Variants in DPP10 observed in about 807,000 individuals in gnomAD.
DPP10 encodes the protein dipeptidyl peptidase like 10.
Under a neutral mutation model 120.9 loss-of-function variants are expected in DPP10, and 33 were observed. The ratio of observed to expected loss-of-function variants is 0.27; its 90% confidence interval spans 0.21 to 0.37. The LOEUF is 0.37. Among genes scored for constraint, DPP10 ranks in the 10% least tolerant of loss-of-function variants. The probability of loss-of-function intolerance (pLI) is 1.00; values close to 1 mark genes in which losing one functional copy is unlikely to be tolerated. For missense variants in DPP10, 816 were observed against 942.8 expected, an observed-to-expected ratio of 0.87 and a Z score of 1.76; for synonymous variants, 337 against 326.1, an observed-to-expected ratio of 1.03 and a Z score of -0.36.
At chr2:114,835,017 A>C (rs557279875) in intron 1 of DPP10, among the ~76,000 whole-genome samples, 19 of 150,480 alleles carry the variant, frequency 1.3e-4, no homozygotes, top group Admixed American at 2.6e-4. Context: ...TATAAAAGAC[A>C]TATCTACACA....
chr2:115,058,085 A>G (rs1407308895), intron 1 of DPP10, among the ~76,000 whole-genome samples: 9 of 152,188 alleles, frequency 5.9e-5, no homozygotes, highest in Non-Finnish European at 1.3e-4. Context: ...GAGATTTCCC[A>G]TATTGCCCAG....
chr2:115,291,738 G>T (rs1328372826), intron 1 of DPP10, among the ~76,000 whole-genome samples: 1 of 152,012 alleles, frequency 6.6e-6, no homozygotes. Context: ...CTGATCTTTT[G>T]TGACGATGGA....
intron 1 of DPP10, among the ~76,000 whole-genome samples, chr2:114,736,333 A>G (rs1275444010): frequency 6.6e-6 from 1 of 152,090 alleles, no homozygotes; most frequent in Admixed American, 6.6e-5. Context: ...GTGCAAAGAT[A>G]TGTCATATCT....
At chr2:115,777,881 G>T in intron 15 of DPP10, 47 bp downstream of exon 15, 2 of 1,578,364 alleles carry the variant, frequency 1.3e-6, no homozygotes, top group Non-Finnish European at 1.7e-6. Flanking sequence ...CTTCTCAATG[G>T]CTATCTATGT....
chr2:115,841,053 T>C (rs1214203666), intron 25 of DPP10, among the ~76,000 whole-genome samples: 5 of 152,138 alleles, frequency 3.3e-5, no homozygotes, highest in Admixed American at 3.3e-4. Context: ...CCTCTCAGAC[T>C]TATTCATATC....
intron 11 of DPP10, among the ~76,000 whole-genome samples, chr2:115,759,294 C>T (rs1199316940): frequency 6.6e-6 from 1 of 151,744 alleles, no homozygotes; most frequent in Admixed American, 6.6e-5. Context: ...TATGGTGGCT[C>T]ATCCTTGTAA....
intron 5 of DPP10, among the ~76,000 whole-genome samples, chr2:115,629,221 G>A (rs1450515047): frequency 6.6e-6 from 1 of 152,166 alleles, no homozygotes; most frequent in Non-Finnish European, 1.5e-5. Context: ...ATCATTGGTG[G>A]ACATTTGGGT....
intron 1 of DPP10, among the ~76,000 whole-genome samples, chr2:115,149,659 C>G (rs189256076): frequency 3.5e-4 from 54 of 152,196 alleles, no homozygotes; most frequent in African/African-American, 1.3e-3. Context: ...TATCTGTATT[C>G]AGCACTTTTC....
chr2:115,831,343 G>A (rs1688908761), intron 21 of DPP10, among the ~76,000 whole-genome samples: 1 of 152,068 alleles, frequency 6.6e-6, no homozygotes, highest in Non-Finnish European at 1.5e-5. Context: ...CTGCCTCCTG[G>A]GTTCAAGCAA....
At chr2:115,348,485 G>GT (rs776540070) in intron 3 of DPP10, among the ~76,000 whole-genome samples, 64 of 151,164 alleles carry the variant, frequency 4.2e-4, no homozygotes, top group Admixed American at 1.3e-3. Context: ...TGTTTACATA[G>GT]TTTTTTTTTA....
At chr2:114,596,520 G>C (rs1246070248) in intron 1 of DPP10, among the ~76,000 whole-genome samples, 1 of 152,058 alleles carries the variant, frequency 6.6e-6, no homozygotes, top group Non-Finnish European at 1.5e-5. Flanking sequence ...TAAATGCATA[G>C]ATGTCTTTAC....
chr2:115,318,906 C>T (rs1166680775), intron 2 of DPP10, among the ~76,000 whole-genome samples: 1 of 152,148 alleles, frequency 6.6e-6, no homozygotes, highest in East Asian at 1.9e-4. Context: ...TCTTTTAGTT[C>T]TTTTTCTTGT....
chr2:115,640,001 G>T (rs137873389), intron 5 of DPP10, among the ~76,000 whole-genome samples: 156 of 150,734 alleles, frequency 1.0e-3, no homozygotes, highest in African/African-American at 3.6e-3. Context: ...TCAGGCTGGA[G>T]ATGGCAAATA....
chr2:114,522,089 C>T (rs1263060141), intron 1 of DPP10, among the ~76,000 whole-genome samples: 1 of 148,504 alleles, frequency 6.7e-6, no homozygotes, highest in Non-Finnish European at 1.5e-5. Context: ...ACGCCATTCT[C>T]CTGCCTCAGC....
chr2:114,462,066 A>C (rs1042896379), intron 1 of DPP10: 1 of 985,272 alleles, frequency 1.0e-6, no homozygotes. Context: ...GATATCAAGA[A>C]AGGGCTTCAC....
intron 3 of DPP10, among the ~76,000 whole-genome samples, chr2:115,415,849 A>ATATATG (rs2069358689): frequency 7.7e-6 from 1 of 129,978 alleles, no homozygotes; most frequent in Admixed American, 7.4e-5. Flanking sequence ...TTTTATATAT[A>ATATATG]TATATATATA....
At chr2:115,518,380 A>G (rs934474093) in intron 4 of DPP10, among the ~76,000 whole-genome samples, 9 of 152,180 alleles carry the variant, frequency 5.9e-5, no homozygotes, top group Non-Finnish European at 7.4e-5. Context: ...TGCTAAATTA[A>G]TGATGTTATA....
At chr2:115,089,144 T>C (rs1389514273) in intron 1 of DPP10, among the ~76,000 whole-genome samples, 2 of 152,162 alleles carry the variant, frequency 1.3e-5, no homozygotes, top group African/African-American at 4.8e-5. Flanking sequence ...TCCTCTTTTA[T>C]CCATTTCTCA....
At chr2:115,639,017 A>C (rs2086572293) in intron 5 of DPP10, among the ~76,000 whole-genome samples, 1 of 152,098 alleles carries the variant, frequency 6.6e-6, no homozygotes, top group Admixed American at 6.5e-5. Flanking sequence ...CTGTAGGAAG[A>C]TGTTGTCTTT....
Sources: gnomAD v4.1 joint callset for allele counts (sites outside exome capture counted in the v4.1 genomes callset) on GRCh38, gnomAD v4.1.1 for gene constraint, MANE v1.5 for transcripts, NCBI Gene and HGNC (gene_info 2026-07-23, HGNC 2026-07-21) for gene names.